Variants in TCF4 observed in about 807,000 individuals in gnomAD.
TCF4 encodes transcription factor 4.
TCF4 carries 3 observed loss-of-function variants against 82.1 expected under a neutral mutation model. That is an observed-to-expected ratio of 0.04 (90% CI 0.02 to 0.09). The LOEUF (loss-of-function observed/expected upper bound fraction) is 0.09, where lower values mean the gene tolerates loss of function less well. Ranked by LOEUF, TCF4 falls within the 10% of genes least tolerant of loss-of-function variation. TCF4 has a pLI of 1.00. For missense variants in TCF4, 518 were observed against 852.7 expected (o/e 0.61, Z 4.89); for synonymous variants, 276 against 309.6 (o/e 0.89, Z 1.14).
intron 5 of TCF4, among the ~76,000 whole-genome samples, chr18:55,424,361 A>G (rs1022918784): frequency 1.3e-5 from 2 of 152,194 alleles, no homozygotes; most frequent in East Asian, 3.8e-4. Flanking sequence ...AAACTCATCC[A>G]GGAATCACTG....
intron 17 of TCF4, 31 bp from the exon 18 acceptor site, chr18:55,229,107 A>T (rs1439459059): frequency 1.9e-6 from 3 of 1,609,516 alleles, no homozygotes; most frequent in East Asian, 2.2e-5. Flanking sequence ...AACATTTTCT[A>T]ATGGTGTGGG....
intron 2 of TCF4, among the ~76,000 whole-genome samples, chr18:55,612,291 G>A (rs574679428): frequency 1.3e-5 from 2 of 152,128 alleles, no homozygotes; most frequent in East Asian, 1.9e-4. Flanking sequence ...GAGTTGCTTC[G>A]GGATATGAGG....
intron 8 of TCF4, among the ~76,000 whole-genome samples, chr18:55,287,184 T>C (rs141484760): frequency 2.0e-4 from 30 of 152,320 alleles, no homozygotes; most frequent in African/African-American, 7.0e-4. Flanking sequence ...ATCTTCCGTC[T>C]ACCAGAATGC....
chr18:55,254,834 A>G (rs1165729296), intron 14 of TCF4, 134 bp from the exon 15 acceptor site: 1 of 841,632 alleles, frequency 1.2e-6, no homozygotes, highest in East Asian at 2.7e-5. Flanking sequence ...ATTTCCTTAA[A>G]ACAATAATAC....
At chr18:55,257,246 A>T in intron 14 of TCF4, 69 bp downstream of exon 14, 1 of 1,496,662 alleles carries the variant, frequency 6.7e-7, no homozygotes, top group East Asian at 2.3e-5. Context: ...CTTGGAGAGT[A>T]AAGGAGACTG....
At chr18:55,566,966 G>A (rs2147445358) in intron 3 of TCF4, among the ~76,000 whole-genome samples, 1 of 152,122 alleles carries the variant, frequency 6.6e-6, no homozygotes, top group Non-Finnish European at 1.5e-5. Flanking sequence ...AAACAGTCAG[G>A]GAAAAGGGTA....
intron 6 of TCF4, among the ~76,000 whole-genome samples, chr18:55,392,267 A>G (rs1037286836): frequency 2.6e-5 from 4 of 151,724 alleles, no homozygotes. Context: ...GCCCGGCCCA[A>G]AGAAGGAAAT....
At chr18:55,399,878 T>TCACACACACA (rs1457281028) in intron 6 of TCF4, among the ~76,000 whole-genome samples, 2 of 77,008 alleles carry the variant, frequency 2.6e-5, no homozygotes, top group Admixed American at 1.5e-4. Flanking sequence ...TCTCTCTCTC[T>TCACACACACA]CTCACACACA....
At chr18:55,426,126 CACACACACAT>C (rs1329758832) in intron 5 of TCF4, among the ~76,000 whole-genome samples, 2 of 142,086 alleles carry the variant, frequency 1.4e-5, no homozygotes, top group Non-Finnish European at 3.0e-5. Flanking sequence ...TATACACACA[CACACACACAT>C]ATATTTTCAT....
chr18:55,247,826 T>C (rs2053760288), intron 15 of TCF4, among the ~76,000 whole-genome samples: 1 of 152,228 alleles, frequency 6.6e-6, no homozygotes, highest in African/African-American at 2.4e-5. Flanking sequence ...CAAGTGCTTG[T>C]TGGACTTGAT....
rs139395745 is a variant in TCF4 at position 55,466,711 on chromosome 18, C to A, written c.146-2574G>T. ...GAATGTACCAAGAGACCTTCATATA[C>A]ATCTTCTGTCCACAGAAAAAAGGAA... On this transcript the variant is annotated intron_variant, in intron 3 of 19. Coordinates refer to ENST00000354452, the MANE Select transcript of TCF4 (RefSeq NM_001083962.2). Among the ~76,000 whole-genome samples, 13 of 152,288 alleles carry A rather than the reference C, an allele frequency of 8.5e-5. No individual in the cohort carries two copies. In the East Asian group the frequency reaches 2.5e-3, roughly 29 times the overall value.
chr18:55,590,095 CAA>C (rs1413385617), upstream of TCF4, among the ~76,000 whole-genome samples: 4 of 152,334 alleles, frequency 2.6e-5, no homozygotes, highest in East Asian at 7.7e-4. Flanking sequence ...CTCTTTGACA[CAA>C]AAGTGTAGTT....
intron 8 of TCF4, among the ~76,000 whole-genome samples, chr18:55,341,707 T>C (rs1378284528): frequency 6.6e-6 from 1 of 152,058 alleles, no homozygotes; most frequent in Non-Finnish European, 1.5e-5. Flanking sequence ...CTGGTTTCTA[T>C]AGGACAAAAA....
At chr18:55,286,820 G>A (rs1052785323) in intron 8 of TCF4, among the ~76,000 whole-genome samples, 10 of 152,176 alleles carry the variant, frequency 6.6e-5, no homozygotes, top group Admixed American at 2.6e-4. Context: ...GATGGTTAAA[G>A]GGCGATCTCC....
At chr18:55,466,949 C>G (rs973355124) in intron 3 of TCF4, among the ~76,000 whole-genome samples, 1 of 152,162 alleles carries the variant, frequency 6.6e-6, no homozygotes, top group Admixed American at 6.5e-5. Context: ...TCCACCCTTT[C>G]CCATTTCCAT....
intron 11 of TCF4, chr18:55,268,475 G>C (rs1027451868): frequency 6.6e-6 from 1 of 151,994 alleles, no homozygotes; most frequent in Non-Finnish European, 1.5e-5. Context: ...AGCTCTCCAA[G>C]GTCAAACTGA....
chr18:55,331,546 A>T (rs1325469238), intron 8 of TCF4, among the ~76,000 whole-genome samples: 1 of 152,216 alleles, frequency 6.6e-6, no homozygotes, highest in Non-Finnish European at 1.5e-5. Flanking sequence ...CTTCCTTTCC[A>T]CAACAACAGA....
At chr18:55,610,952 G>T (rs1224682722) in intron 2 of TCF4, among the ~76,000 whole-genome samples, 1 of 152,168 alleles carries the variant, frequency 6.6e-6, no homozygotes, top group East Asian at 1.9e-4. Context: ...GTTAGACAGT[G>T]GGCCCAAGAA....
chr18:55,263,267 T>A (rs1200786351), intron 11 of TCF4, among the ~76,000 whole-genome samples: 1 of 152,174 alleles, frequency 6.6e-6, no homozygotes, highest in Non-Finnish European at 1.5e-5. Flanking sequence ...TTAAAATACA[T>A]GAGTCATTAG....
Sources: allele counts gnomAD v4.1 joint callset (sites outside exome capture counted in the v4.1 genomes callset), GRCh38; gene constraint gnomAD v4.1.1; transcripts MANE v1.5; gene names NCBI Gene and HGNC (gene_info 2026-07-23, HGNC 2026-07-21).